Variants in POLR2M observed in about 807,000 individuals in gnomAD.
POLR2M encodes the protein protein GRINL1A.
A neutral mutation model predicts 34.6 loss-of-function variants in POLR2M; 30 were observed. The ratio of observed to expected loss-of-function variants is 0.87; its 90% CI spans 0.65 to 1.18. The LOEUF (loss-of-function observed/expected upper bound fraction) is 1.18. POLR2M is among the 50% of genes most tolerant of loss of function. The probability of loss-of-function intolerance (pLI) is 0.00; values close to 1 mark genes in which losing one functional copy is unlikely to be tolerated. For missense variants in POLR2M, 432 were observed against 448.7 expected, an observed-to-expected ratio of 0.96 and a Z score of 0.34; for synonymous variants, 150 against 166.7, an observed-to-expected ratio of 0.90 and a Z score of 0.77.
At chr15:57,710,870 T>A (rs1285742721) in intron 2 of POLR2M, among the ~76,000 whole-genome samples, 1 of 151,980 alleles carries the variant, frequency 6.6e-6, no homozygotes, top group Non-Finnish European at 1.5e-5. Flanking sequence ...GGCTTGGAGG[T>A]TGGAAGGTGG....
rs1418940000 is a variant in POLR2M at position 57,715,940 on chromosome 15, GTATACTGACCTAAGATTC to G, written c.*1263_*1280del. Reference sequence around the variant, plus strand: ...TACCCCCCTCAAGCAAATGTGAAAAGTATACTGACCTAAGATTCTCATTAGTTTTAGTTCTTAAAACGA... The same window carrying G: ...TACCCCCCTCAAGCAAATGTGAAAAGTCATTAGTTTTAGTTCTTAAAACGA... On this transcript the variant is annotated 3_prime_UTR_variant, in exon 4 of 4. Coordinates refer to ENST00000299638, the MANE Select transcript of POLR2M (RefSeq NM_015532.5). 1 of 152,284 alleles carries G rather than the reference GTATACTGACCTAAGATTC, an allele frequency of 6.6e-6. No homozygotes were observed. Among genetic ancestry groups the G allele is most frequent in the Non-Finnish European group, 1.5e-5 (1 of 68,052 alleles). 9.4% of individuals were successfully genotyped at this position (152,284 alleles called of 1,614,324 possible).
In POLR2M at chr15:57,709,122, G is replaced by A. The variant is rs1567266516; in HGVS notation, c.522G>A (p.Arg174=). The A allele has an allele frequency of 3.7e-6, 6 of 1,614,188 alleles. No individual in the cohort carries two copies. In the South Asian group the frequency reaches 5.5e-5, roughly 15 times the overall value. Residue 174 remains arginine, a synonymous_variant, in exon 2 of 4, where the codon CGG becomes CGA. Transcript: ENST00000299638. ...PSSEASEHHP[R]HRVSSQAEDT... ...CTGAAGCTAGTGAGCATCACCCGCG[G>A]CATCGTGTTTCAAGTCAAGCGGAAG...
At chr15:57,710,764 C>T (rs1336241736) in intron 2 of POLR2M, among the ~76,000 whole-genome samples, 1 of 152,144 alleles carries the variant, frequency 6.6e-6, no homozygotes, top group Non-Finnish European at 1.5e-5. Context: ...GACAGGGAGC[C>T]TCCTGTATAA....
intron 1 of POLR2M, 167 bp downstream of exon 1, chr15:57,707,122 C>A: frequency 1.9e-6 from 3 of 1,541,632 alleles, no homozygotes; most frequent in Non-Finnish European, 2.6e-6. Context: ...TGCGGCAGAG[C>A]CGTGCCTCTT....
chr15:57,710,363 G>A (rs1483829427), intron 2 of POLR2M, among the ~76,000 whole-genome samples: 1 of 152,158 alleles, frequency 6.6e-6, no homozygotes, highest in East Asian at 1.9e-4. Flanking sequence ...TTCCTATATT[G>A]TATTTACAAG....
At chr15:57,713,784 C>CTGTCAGT (rs1389036213) in intron 3 of POLR2M, among the ~76,000 whole-genome samples, 3 of 144,392 alleles carry the variant, frequency 2.1e-5, no homozygotes, top group Non-Finnish European at 3.0e-5. Context: ...GAAGAAGGTC[C>CTGTCAGT]TGTCAGTTGT....
At chr15:57,711,745 GAA>G (rs11459856) in intron 2 of POLR2M, among the ~76,000 whole-genome samples, 66 of 125,278 alleles carry the variant, frequency 5.3e-4, no homozygotes, top group Middle Eastern at 4.5e-3. Flanking sequence ...TTGAATAAAT[GAA>G]AAAAAAAAAA....
intron 2 of POLR2M, among the ~76,000 whole-genome samples, chr15:57,710,598 C>G (rs1002700818): frequency 2.0e-5 from 3 of 152,144 alleles, no homozygotes; most frequent in African/African-American, 7.2e-5. Flanking sequence ...TCTTCACTTC[C>G]AGGATGACAT....
At chr15:57,710,764 C>A (rs1336241736) in intron 2 of POLR2M, among the ~76,000 whole-genome samples, 1 of 152,144 alleles carries the variant, frequency 6.6e-6, no homozygotes. Context: ...GACAGGGAGC[C>A]TCCTGTATAA....
At chr15:57,714,474 T>A in intron 3 of POLR2M, 62 bp from the exon 4 acceptor site, 9 of 1,595,254 alleles carry the variant, frequency 5.6e-6, no homozygotes, top group Non-Finnish European at 7.7e-6. Flanking sequence ...TAACTTCCCA[T>A]TGAAAAATTG....
intron 2 of POLR2M, among the ~76,000 whole-genome samples, chr15:57,711,269 C>T (rs1037502997): frequency 3.9e-5 from 6 of 152,212 alleles, no homozygotes; most frequent in African/African-American, 1.4e-4. Context: ...TGAAGACTCT[C>T]ATCTCTCTCG....
intron 3 of POLR2M, among the ~76,000 whole-genome samples, chr15:57,714,222 A>G (rs1595989554): frequency 6.6e-6 from 1 of 152,084 alleles, no homozygotes; most frequent in Non-Finnish European, 1.5e-5. Flanking sequence ...GTGCCCCCAT[A>G]TTTAACGCAT....
intron 2 of POLR2M, among the ~76,000 whole-genome samples, chr15:57,709,858 T>C (rs1379129924): frequency 1.3e-5 from 2 of 152,190 alleles, no homozygotes; most frequent in African/African-American, 4.8e-5. Context: ...GTGTACTCTC[T>C]TTGATTAGTC....
chr15:57,706,759 C>T lies in POLR2M; in HGVS notation c.-84C>T, dbSNP rs747168298. The T allele has an allele frequency of 5.4e-6, 8 of 1,475,268 alleles. No homozygotes were observed. The highest frequency in any genetic ancestry group is 2.6e-5 in the South Asian group (2 of 77,948). 91.4% of individuals were successfully genotyped at this position (1,475,268 alleles called of 1,614,324 possible). On this transcript the variant is annotated 5_prime_UTR_variant, in exon 1 of 4. Transcript: ENST00000299638. ...ACTCCCGCTCGTGCCCCGGAGTCAC[C>T]GCCGTCCGCGGATCCGGCGCTAGTA...
At chr15:57,710,681 G>A (rs2040672968) in intron 2 of POLR2M, among the ~76,000 whole-genome samples, 1 of 152,148 alleles carries the variant, frequency 6.6e-6, no homozygotes, top group African/African-American at 2.4e-5. Context: ...CTGTATTATG[G>A]TCATTTAGCT....
chr15:57,710,578 G>T (rs1208200939), intron 2 of POLR2M, among the ~76,000 whole-genome samples: 1 of 152,142 alleles, frequency 6.6e-6, no homozygotes, highest in Non-Finnish European at 1.5e-5. Flanking sequence ...TGTGTACAGT[G>T]GGGTATCTTT....
chr15:57,707,702 A>G (rs1194746059), intron 1 of POLR2M: 3 of 365,950 alleles, frequency 8.2e-6, no homozygotes, highest in South Asian at 6.3e-5. Context: ...AGGGAGAGGA[A>G]TAGATCCAAG....
In POLR2M at chr15:57,717,508, G is replaced by T. The variant is rs1278745686; in HGVS notation, c.*2829G>T. 3 of 152,080 alleles carry T rather than the reference G, an allele frequency of 2.0e-5. No homozygotes were observed. Among genetic ancestry groups the T allele is most frequent in the Non-Finnish European group, 4.4e-5 (3 of 68,006 alleles). The allele number at this position is 152,080 out of a possible 1,614,324, so 9.4% of individuals were successfully genotyped here. ...TACCAGTTATGTGTATAACAATATGGTTTACATTTTGCTCACTTTTGACTT... is the reference window on the plus strand; with the variant it reads ...TACCAGTTATGTGTATAACAATATGTTTTACATTTTGCTCACTTTTGACTT... On this transcript the variant is annotated 3_prime_UTR_variant, in exon 4 of 4. Coordinates refer to ENST00000299638, the MANE Select transcript of POLR2M (RefSeq NM_015532.5).
intron 1 of POLR2M, 90 bp downstream of exon 1, chr15:57,707,045 C>T (rs1479108608): frequency 5.8e-6 from 9 of 1,551,746 alleles, no homozygotes; most frequent in Non-Finnish European, 7.8e-6. Flanking sequence ...TGTTCCCTTC[C>T]CTGGAAGGTG....
Sources: allele counts gnomAD v4.1 joint callset (sites outside exome capture counted in the v4.1 genomes callset), GRCh38; gene constraint gnomAD v4.1.1; transcripts MANE v1.5; gene names NCBI Gene and HGNC (gene_info 2026-07-23, HGNC 2026-07-21).